PLCG1: variants seen among roughly 807,000 people sequenced by gnomAD.
PLCG1 encodes 1-phosphatidylinositol 4,5-bisphosphate phosphodiesterase gamma-1.
PLCG1 carries 71 observed loss-of-function variants against 177.8 expected under a neutral mutation model. The ratio of observed to expected loss-of-function variants is 0.40; its 90% CI spans 0.33 to 0.49. The LOEUF is 0.49. PLCG1 is among the 20% of genes least tolerant of loss of function. The pLI is 0.72. For synonymous variants in PLCG1, 658 were observed against 647.9 expected, an observed-to-expected ratio of 1.02 and a Z score of -0.24; for missense variants, 1,281 against 1,709.0, an observed-to-expected ratio of 0.75 and a Z score of 4.42.
chr20:41,163,126 G>A lies in PLCG1; in HGVS notation c.717-77G>A, dbSNP rs2035567265. The A allele has an allele frequency of 6.7e-7, 1 of 1,495,694 alleles. No individual in the cohort carries two copies. Among genetic ancestry groups the A allele is most frequent in the Non-Finnish European group, 9.2e-7 (1 of 1,084,152 alleles). The allele number at this position is 1,495,694 out of a possible 1,614,324, so 92.7% of individuals were successfully genotyped here. ...CCATTCTGGGAAGCTGTGCTGGCTGGGAGTTGGGTTCTGCCTTCCGTGGGG... is the reference window on the plus strand; with the variant it reads ...CCATTCTGGGAAGCTGTGCTGGCTGAGAGTTGGGTTCTGCCTTCCGTGGGG... On this transcript the variant is annotated intron_variant, in intron 7 of 31. Coordinates refer to ENST00000685551, the MANE Select transcript of PLCG1 (RefSeq NM_002660.3). This position sits in a 1 kb window ranked among gnomAD's most constrained non-coding sequence, Gnocchi z 5.2.
At position 41,167,567 on chromosome 20, in the gene PLCG1, C is replaced by T. The variant is rs2035742557; in HGVS notation, c.2302-285C>T. On this transcript the variant is annotated intron_variant, in intron 19 of 31. Coordinates refer to ENST00000685551, the MANE Select transcript of PLCG1 (RefSeq NM_002660.3). The surrounding 1 kb of genome is among the most constrained non-coding windows in gnomAD (Gnocchi z 4.4). ...GAATATGGGTAGTCTGTGAAGGGCC[C>T]ACCTGCACATAGCTCAGAAATACTT... is the stretch of plus-strand genomic sequence containing the variant. 1 of 448,334 alleles carries T rather than the reference C, an allele frequency of 2.2e-6. No individual in the cohort carries two copies. The highest frequency in any genetic ancestry group is 2.5e-5 in the South Asian group (1 of 39,244). 27.8% of individuals were successfully genotyped at this position (448,334 alleles called of 1,614,324 possible).
Position 41,165,994 on chromosome 20 carries a change from C to CA in PLCG1, c.1799+168_1799+169insA. 1.5e-6 allele frequency: 1 copy of CA among 675,418 alleles called. No individual in the cohort carries two copies. Among genetic ancestry groups the CA allele is most frequent in the South Asian group, 1.9e-5 (1 of 52,108 alleles). 41.8% of individuals were successfully genotyped at this position (675,418 alleles called of 1,614,324 possible). A position where few individuals can be genotyped will look rare whatever the true frequency, so the allele number is the denominator to read the frequency against. On this transcript the variant is annotated intron_variant, in intron 16 of 31. Coordinates refer to ENST00000685551, the MANE Select transcript of PLCG1 (RefSeq NM_002660.3). The surrounding 1 kb of genome is among the most constrained non-coding windows in gnomAD (Gnocchi z 6.6). ...CACACACACACTCTCTGTCTCACCC[C>CA]CCCCCCATACCCCTCCCTTTTCGGT...
Position 41,137,958 on chromosome 20 carries a change from C to T in PLCG1, c.217+100C>T, listed in dbSNP as rs1445788599. ...CGGCCGGCCGCCCCAGCGACTTGGGCAAACTTTCGGGCCCTCCCAGACTCC... is the reference window on the plus strand; with the variant it reads ...CGGCCGGCCGCCCCAGCGACTTGGGTAAACTTTCGGGCCCTCCCAGACTCC... On this transcript the variant is annotated intron_variant, in intron 1 of 31. Transcript: ENST00000685551. This position sits in a 1 kb window ranked among gnomAD's most constrained non-coding sequence, Gnocchi z 7.3. 9 of 865,824 alleles carry T rather than the reference C, an allele frequency of 1.0e-5. No individual in the cohort carries two copies. Among genetic ancestry groups the T allele is most frequent in the Non-Finnish European group, 1.4e-5 (9 of 646,784 alleles). 53.6% of individuals were successfully genotyped at this position (865,824 alleles called of 1,614,324 possible). A position where few individuals can be genotyped will look rare whatever the true frequency, so the allele number is the denominator to read the frequency against.
rs572617657 is a variant in PLCG1, at chr20:41,142,713, G to T, written c.217+4855G>T. Reference sequence around the variant, plus strand: ...TTAAAGCATATGACTACCTCTCTGGGCTGCTTATCTGTAAAAAGGATAGTA... The same window carrying T: ...TTAAAGCATATGACTACCTCTCTGGTCTGCTTATCTGTAAAAAGGATAGTA... On this transcript the variant is annotated intron_variant, in intron 1 of 31. Coordinates refer to ENST00000685551, the MANE Select transcript of PLCG1 (RefSeq NM_002660.3). Among the ~76,000 whole-genome samples the T allele has an allele frequency of 2.6e-5, 4 of 152,308 alleles. No individual in the cohort carries two copies. In the East Asian group the frequency reaches 7.7e-4, roughly 29 times the overall value.
Position 41,174,223 on chromosome 20 carries a change from T to C in PLCG1, c.3745T>C (p.Ser1249Pro). The change falls in exon 31 of 32, where the codon TCC becomes CCC. Residue 1249 changes from serine to proline, a missense_variant. Physicochemically the swap from Ser to Pro is moderately conservative, Grantham distance 74. Transcript: ENST00000685551. The surrounding 1 kb of genome is among the most constrained non-coding windows in gnomAD (Gnocchi z 5.8). ...QLFHGRAREGSFESRYQQPFE... is the reference protein window; with the variant it reads ...QLFHGRAREGPFESRYQQPFE... ...GTTTCATGGCCGAGCCCGGGAAGGC[T>C]CCTTTGAATCCCGCTACCAGCAGCC... 6.2e-7 allele frequency: 1 copy of C among 1,614,086 alleles called. No individual in the cohort carries two copies. Among genetic ancestry groups the C allele is most frequent in the Non-Finnish European group, 8.5e-7 (1 of 1,180,006 alleles).
chr20:41,143,944 A>G (rs1007358660), intron 1 of PLCG1, among the ~76,000 whole-genome samples: 2 of 152,202 alleles, frequency 1.3e-5, no homozygotes, highest in African/African-American at 2.4e-5. Flanking sequence ...CAGAGCTCCA[A>G]TCTTTTCCAC....
intron 1 of PLCG1, among the ~76,000 whole-genome samples, chr20:41,143,930 A>C (rs1293891390): frequency 6.6e-6 from 1 of 152,180 alleles, no homozygotes; most frequent in Non-Finnish European, 1.5e-5. Context: ...ACCTTTGTTA[A>C]CCACAGAGCT....
At position 41,137,794 on chromosome 20, in the gene PLCG1, C is replaced by T; in HGVS notation, c.153C>T (p.Phe51=). The part of the protein sequence containing the change: ...KKSQRPERKT[F]QVKLETRQIT... ...CGCAGCGACCCGAGCGGAAGACCTT[C>T]CAGGTCAAGCTGGAGACGCGCCAGA... The change falls in exon 1 of 32, where the codon TTC becomes TTT. Residue 51 remains phenylalanine, a synonymous_variant. Coordinates refer to ENST00000685551, the MANE Select transcript of PLCG1 (RefSeq NM_002660.3). The surrounding 1 kb of genome is among the most constrained non-coding windows in gnomAD (Gnocchi z 7.3). The T allele has an allele frequency of 7.7e-7, 1 of 1,302,782 alleles. No individual in the cohort carries two copies. Among genetic ancestry groups the T allele is most frequent in the Non-Finnish European group, 9.8e-7 (1 of 1,018,378 alleles). 80.7% of individuals were successfully genotyped at this position (1,302,782 alleles called of 1,614,324 possible).
chr20:41,174,280 C>A lies in PLCG1; in HGVS notation c.3802C>A (p.Leu1268Ile). ...FEDFRISQEH[L>I]ADHFDSRERR... ...GGACTTCCGCATCTCCCAGGAGCAT[C>A]TCGCAGACCATTTTGACAGTCGAGA... is the stretch of plus-strand genomic sequence containing the variant. Residue 1268 changes from leucine to isoleucine, a missense_variant, in exon 31 of 32, where the codon CTC becomes ATC. Physicochemically the swap from Leu to Ile is conservative, Grantham distance 5. Around this residue, in one of 4 missense-constraint regions of PLCG1, gnomAD observed 153 missense variants for 153.2 expected, o/e 1.00. Coordinates refer to ENST00000685551, the MANE Select transcript of PLCG1 (RefSeq NM_002660.3). The surrounding 1 kb of genome is among the most constrained non-coding windows in gnomAD (Gnocchi z 5.8). 1 of 1,614,182 alleles carries A rather than the reference C, an allele frequency of 6.2e-7. No individual in the cohort carries two copies.
Position 41,177,438 on chromosome 20 carries a change from C to G in PLCG1, c.*2929C>G, listed in dbSNP as rs1227017954. On this transcript the variant is annotated 3_prime_UTR_variant, in exon 32 of 32. Coordinates refer to ENST00000685551, the MANE Select transcript of PLCG1 (RefSeq NM_002660.3). Reference sequence around the variant, plus strand: ...TCCTGACCAAGCACATCTTGAACATCACCTGAGAGCTTGAACATCACTAAG... The same window carrying G: ...TCCTGACCAAGCACATCTTGAACATGACCTGAGAGCTTGAACATCACTAAG... 1 of 152,246 alleles carries G rather than the reference C, an allele frequency of 6.6e-6. No individual in the cohort carries two copies. The highest frequency in any genetic ancestry group is 6.5e-5 in the Admixed American group (1 of 15,290). The allele number at this position is 152,246 out of a possible 1,614,324, so 9.4% of individuals were successfully genotyped here.
At chr20:41,154,550 T>C (rs2035261067) in intron 1 of PLCG1, among the ~76,000 whole-genome samples, 1 of 151,678 alleles carries the variant, frequency 6.6e-6, no homozygotes, top group Admixed American at 6.6e-5. Flanking sequence ...CCAGACAGGG[T>C]GGTTATCCCA....
At position 41,163,273 on chromosome 20, in the gene PLCG1, G is replaced by T; in HGVS notation, c.787G>T (p.Gly263Trp). 3 of 1,568,554 alleles carry T rather than the reference G, an allele frequency of 1.9e-6. No individual in the cohort carries two copies. The highest frequency in any genetic ancestry group is 1.2e-5 in the South Asian group (1 of 83,932). Residue 263 changes from glycine to tryptophan, a missense_variant and splice_region_variant, in exon 8 of 32, where the codon GGG becomes TGG. Gly to Trp is a radical substitution (Grantham distance 184, BLOSUM62 -2). This residue lies in a region of PLCG1 where 374 missense variants were observed against 443.8 expected (regional missense o/e 0.84). Coordinates refer to ENST00000685551, the MANE Select transcript of PLCG1 (RefSeq NM_002660.3). This position sits in a 1 kb window ranked among gnomAD's most constrained non-coding sequence, Gnocchi z 5.2. ...EFQQFLLDYQ[G>W]ELWAVDRLQV... ...CCAGCAGTTCCTTCTTGACTACCAG[G>T]GGGTATGGCTGGGCTGACATTGGCC...
chr20:41,142,783 G>A (rs769272290), intron 1 of PLCG1, among the ~76,000 whole-genome samples: 10 of 152,152 alleles, frequency 6.6e-5, no homozygotes, highest in Admixed American at 2.0e-4. Flanking sequence ...GATTTGATGA[G>A]AACCTGTATA....
Position 41,137,793 on chromosome 20 carries a change from TC to T in PLCG1, c.154del (p.Gln52ArgfsTer66). 1 of 1,302,898 alleles carries T rather than the reference TC, an allele frequency of 7.7e-7. No individual in the cohort carries two copies. The highest frequency in any genetic ancestry group is 9.8e-7 in the Non-Finnish European group (1 of 1,018,456). 80.7% of individuals were successfully genotyped at this position (1,302,898 alleles called of 1,614,324 possible). On this transcript the variant is annotated frameshift_variant, in exon 1 of 32. Coordinates refer to ENST00000685551, the MANE Select transcript of PLCG1 (RefSeq NM_002660.3). LOFTEE classifies it high-confidence loss of function. The surrounding 1 kb of genome is among the most constrained non-coding windows in gnomAD (Gnocchi z 7.3). ...KKSQRPERKT[F>X]QVKLETRQIT... ...TCGCAGCGACCCGAGCGGAAGACCT[TC>T]CAGGTCAAGCTGGAGACGCGCCAGA...
rs2035619446 is a variant in PLCG1 at position 41,164,572 on chromosome 20, T to C, written c.1218-361T>C. ...TGTGTCCCATTCCTTCAATTCTGTTTACTGCTTAAACTGTGGTCACTGGTC... is the reference window on the plus strand; with the variant it reads ...TGTGTCCCATTCCTTCAATTCTGTTCACTGCTTAAACTGTGGTCACTGGTC... On this transcript the variant is annotated intron_variant, in intron 12 of 31. Transcript: ENST00000685551. This position sits in a 1 kb window ranked among gnomAD's most constrained non-coding sequence, Gnocchi z 6.4. Among the ~76,000 whole-genome samples, 1 of 152,164 alleles carries C rather than the reference T, an allele frequency of 6.6e-6. No homozygotes were observed. Among genetic ancestry groups the C allele is most frequent in the African/African-American group, 2.4e-5 (1 of 41,436 alleles).
intron 1 of PLCG1, among the ~76,000 whole-genome samples, chr20:41,141,530 A>G (rs1427589804): frequency 6.6e-6 from 1 of 152,242 alleles, no homozygotes; most frequent in African/African-American, 2.4e-5. Context: ...CTAGGCCCAC[A>G]GCACGGGAGA....
At chr20:41,149,044 A>G (rs1291688816) in intron 1 of PLCG1, among the ~76,000 whole-genome samples, 2 of 152,230 alleles carry the variant, frequency 1.3e-5, no homozygotes, top group Non-Finnish European at 2.9e-5. Context: ...GTTGTAAGGC[A>G]GTCTTATCAA....
chr20:41,170,119 T>C lies in PLCG1; in HGVS notation c.2658T>C (p.Arg886=), dbSNP rs765356242. The change falls in exon 24 of 32, where the codon CGT becomes CGC. Residue 886 remains arginine, a synonymous_variant. Coordinates refer to ENST00000685551, the MANE Select transcript of PLCG1 (RefSeq NM_002660.3). The part of the protein sequence containing the change: ...LDVPACQIAI[R]PEGKNNRLFV... ...CTGCTCTCGCCCTCCCAGCCATCCGTCCTGAGGGCAAGAACAACCGGCTCT... is the reference window on the plus strand; with the variant it reads ...CTGCTCTCGCCCTCCCAGCCATCCGCCCTGAGGGCAAGAACAACCGGCTCT... 1 of 1,612,208 alleles carries C rather than the reference T, an allele frequency of 6.2e-7. No individual in the cohort carries two copies. Among genetic ancestry groups the C allele is most frequent in the Admixed American group, 1.7e-5 (1 of 59,928 alleles).
chr20:41,174,705 G>A lies in PLCG1; in HGVS notation c.*196G>A. On this transcript the variant is annotated 3_prime_UTR_variant, in exon 32 of 32. Transcript: ENST00000685551. The surrounding 1 kb of genome is among the most constrained non-coding windows in gnomAD (Gnocchi z 5.8). ...TACTGTTTTGGGCCTCCATGCCCCA[G>A]CTCTGGATGAAGGCAAAAACTGTAC... 3 of 605,166 alleles carry A rather than the reference G, an allele frequency of 5.0e-6. No homozygotes were observed. 37.5% of individuals were successfully genotyped at this position (605,166 alleles called of 1,614,324 possible).
Sources: allele counts gnomAD v4.1 joint callset (sites outside exome capture counted in the v4.1 genomes callset), GRCh38; gene constraint gnomAD v4.1.1; regional missense constraint gnomAD v4.1.1; non-coding constraint Gnocchi (gnomAD v3.1); transcripts MANE v1.5; gene names NCBI Gene and HGNC (gene_info 2026-07-23, HGNC 2026-07-21).